ARHGEF3: variants seen among roughly 807,000 people sequenced by gnomAD.
ARHGEF3 encodes the protein 59.8 kDA protein.
Under a neutral mutation model 63.2 loss-of-function variants are expected in ARHGEF3, and 28 were observed. That is an observed-to-expected ratio of 0.44 (90% CI 0.33 to 0.61). The LOEUF (loss-of-function observed/expected upper bound fraction) is 0.61. Ranked by LOEUF, ARHGEF3 falls within the 20% of genes least tolerant of loss-of-function variation. The pLI is 0.03. For missense variants in ARHGEF3, 533 were observed against 659.3 expected, an observed-to-expected ratio of 0.81 and a Z score of 2.10; for synonymous variants, 266 against 254.2, an observed-to-expected ratio of 1.05 and a Z score of -0.44.
intron 1 of ARHGEF3, among the ~76,000 whole-genome samples, chr3:56,800,062 GA>G (rs1268693341): frequency 6.6e-6 from 1 of 152,112 alleles, no homozygotes; most frequent in Non-Finnish European, 1.5e-5. Context: ...GTGATATATA[GA>G]CATATCTATA....
intron 4 of ARHGEF3, among the ~76,000 whole-genome samples, chr3:56,844,129 GC>G (rs946279218): frequency 1.3e-5 from 2 of 152,166 alleles, no homozygotes; most frequent in African/African-American, 4.8e-5. Context: ...AAGCTGCGTG[GC>G]AAAGTTCTGC....
intron 1 of ARHGEF3, among the ~76,000 whole-genome samples, chr3:57,070,030 G>C (rs756059576): frequency 6.6e-6 from 1 of 152,092 alleles, no homozygotes; most frequent in Admixed American, 6.5e-5. Context: ...TTGGGGGTGA[G>C]GGGCTAAGAT....
In ARHGEF3 at chr3:56,834,183, G is replaced by A. The variant is rs184600733; in HGVS notation, c.192+48109C>T. On this transcript the variant is annotated intron_variant, in intron 4 of 12. Transcript: ENST00000338458. Reference sequence around the variant, plus strand: ...CTCCCAAAATTCTCGGATTACAAGCGTAAGCCACCACGCCTGGCCTGTGAA... The same window carrying A: ...CTCCCAAAATTCTCGGATTACAAGCATAAGCCACCACGCCTGGCCTGTGAA... Among the ~76,000 whole-genome samples the A allele has an allele frequency of 3.2e-3, 482 of 152,222 alleles. 2 individuals carry two copies. Among genetic ancestry groups the A allele is most frequent in the African/African-American group, 0.011 (450 of 41,524 alleles).
chr3:57,042,685 TATA>T (rs1704259187), intron 1 of ARHGEF3, among the ~76,000 whole-genome samples: 6 of 35,356 alleles, frequency 1.7e-4, no homozygotes, highest in Non-Finnish European at 2.3e-4. Context: ...TATATATATA[TATA>T]TATATATATA....
At chr3:56,965,509 C>A (rs1700454528) in intron 2 of ARHGEF3, among the ~76,000 whole-genome samples, 1 of 151,826 alleles carries the variant, frequency 6.6e-6, no homozygotes, top group African/African-American at 2.4e-5. Context: ...CAATCTTATA[C>A]AAACTTCTAT....
chr3:56,906,129 C>T (rs1034106047), intron 3 of ARHGEF3, among the ~76,000 whole-genome samples: 2 of 151,996 alleles, frequency 1.3e-5, no homozygotes, highest in Non-Finnish European at 2.9e-5. Flanking sequence ...TCCCAAAGTG[C>T]TGGGATTACA....
chr3:57,002,500 A>ATATATATATGTTATATATATATATATGT (rs1553802549), intron 2 of ARHGEF3, among the ~76,000 whole-genome samples: 1 of 60,126 alleles, frequency 1.7e-5, no homozygotes, highest in African/African-American at 6.3e-5. Flanking sequence ...TATATATGTT[A>ATATATATATGTTATATATATATATATGT]TATATATATA....
intron 9 of ARHGEF3, 148 bp downstream of exon 9, chr3:56,732,089 CA>C: frequency 1.1e-6 from 1 of 950,992 alleles, no homozygotes; most frequent in Non-Finnish European, 1.6e-6. Context: ...AGGGACTAAA[CA>C]AAGTACATAA....
chr3:56,832,290 A>G (rs1244790704), intron 4 of ARHGEF3, among the ~76,000 whole-genome samples: 1 of 152,258 alleles, frequency 6.6e-6, no homozygotes, highest in Non-Finnish European at 1.5e-5. Flanking sequence ...ATTCAGATTT[A>G]ACAACTCAAC....
intron 1 of ARHGEF3, among the ~76,000 whole-genome samples, chr3:56,778,158 G>GCTAAT (rs2036373295): frequency 6.6e-6 from 1 of 152,148 alleles, no homozygotes; most frequent in African/African-American, 2.4e-5. Context: ...ATAATAATGA[G>GCTAAT]CTAATACTGG....
Position 56,801,926 on chromosome 3 carries a change from C to A in ARHGEF3, c.-128G>T. On this transcript the variant is annotated 5_prime_UTR_variant, in exon 1 of 10. Coordinates refer to ENST00000296315, the MANE Select transcript of ARHGEF3 (RefSeq NM_019555.3). ...CGGCGACACGGAGACCGACAGCCGGCTTCTAGCCGGGCAGGACTCGACTGG... is the reference window on the plus strand; with the variant it reads ...CGGCGACACGGAGACCGACAGCCGGATTCTAGCCGGGCAGGACTCGACTGG... 1 of 1,471,040 alleles carries A rather than the reference C, an allele frequency of 6.8e-7. No homozygotes were observed. Among genetic ancestry groups the A allele is most frequent in the Non-Finnish European group, 9.1e-7 (1 of 1,101,616 alleles). 91.1% of individuals were successfully genotyped at this position (1,471,040 alleles called of 1,614,324 possible).
At chr3:56,955,083 C>A (rs886267821) in intron 3 of ARHGEF3, among the ~76,000 whole-genome samples, 7 of 152,162 alleles carry the variant, frequency 4.6e-5, no homozygotes, top group African/African-American at 1.7e-4. Context: ...CTTCTCTTGC[C>A]TTTTCCAAAC....
chr3:57,068,946 G>A (rs1008339602), intron 1 of ARHGEF3, among the ~76,000 whole-genome samples: 3 of 142,646 alleles, frequency 2.1e-5, no homozygotes, highest in African/African-American at 7.9e-5. Flanking sequence ...TTCTGAGACC[G>A]AGTCTCGCTG....
intron 2 of ARHGEF3, among the ~76,000 whole-genome samples, chr3:56,970,126 G>A (rs1700844446): frequency 6.6e-6 from 1 of 152,156 alleles, no homozygotes; most frequent in Non-Finnish European, 1.5e-5. Context: ...GGTGATGGGT[G>A]CACAACCTTG....
intron 3 of ARHGEF3, among the ~76,000 whole-genome samples, chr3:56,886,432 A>G (rs988121587): frequency 6.6e-6 from 1 of 152,236 alleles, no homozygotes; most frequent in African/African-American, 2.4e-5. Flanking sequence ...AGATGGAAAC[A>G]CCACATAAAG....
intron 7 of ARHGEF3, among the ~76,000 whole-genome samples, chr3:56,737,612 T>C (rs1227317184): frequency 1.3e-5 from 2 of 152,206 alleles, no homozygotes; most frequent in Admixed American, 6.5e-5. Context: ...AAAACTAATA[T>C]TGATGAATAA....
intron 2 of ARHGEF3, among the ~76,000 whole-genome samples, chr3:56,974,183 C>T (rs896629961): frequency 6.6e-6 from 1 of 152,172 alleles, no homozygotes; most frequent in African/African-American, 2.4e-5. Context: ...TGCTCAATAA[C>T]TATTTGTAAG....
intron 2 of ARHGEF3, among the ~76,000 whole-genome samples, chr3:56,990,694 TG>T (rs1701715543): frequency 6.6e-6 from 1 of 152,256 alleles, no homozygotes; most frequent in Admixed American, 6.5e-5. Context: ...AGCCTAAGTC[TG>T]GAGGATTGTG....
At chr3:56,742,533 C>T (rs185737574) in intron 7 of ARHGEF3, among the ~76,000 whole-genome samples, 1 of 152,160 alleles carries the variant, frequency 6.6e-6, no homozygotes, top group East Asian at 1.9e-4. Context: ...GAAATTTATT[C>T]ATGGGATATT....
Sources: gnomAD v4.1 joint callset for allele counts (sites outside exome capture counted in the v4.1 genomes callset) on GRCh38, gnomAD v4.1.1 for gene constraint, MANE v1.5 for transcripts, NCBI Gene and HGNC (gene_info 2026-07-23, HGNC 2026-07-21) for gene names.